Variants in PAPPA2 observed in about 807,000 individuals in gnomAD.
PAPPA2 encodes pappalysin 2, also known as pappalysin-2.
A neutral mutation model predicts 176.4 loss-of-function variants in PAPPA2; 86 were observed. That is an observed-to-expected ratio of 0.49 (90% CI 0.41 to 0.58). PAPPA2 has a LOEUF of 0.58. Among genes scored for constraint, PAPPA2 ranks in the 20% least tolerant of loss-of-function variants. PAPPA2 has a pLI of 0.00. For missense variants in PAPPA2, 2,073 were observed against 2,256.9 expected (o/e 0.92, Z 1.65); for synonymous variants, 809 against 852.2 (o/e 0.95, Z 0.88).
chr1:176,690,775 A>G (rs1306390155), intron 5 of PAPPA2: 3 of 1,086,492 alleles, frequency 2.8e-6, no homozygotes, highest in Non-Finnish European at 2.2e-6. Context: ...ATTCTTAGAC[A>G]TTTACTCTGA....
intron 3 of PAPPA2, among the ~76,000 whole-genome samples, chr1:176,605,457 TA>T (rs1455791911): frequency 6.6e-6 from 1 of 152,252 alleles, no homozygotes; most frequent in African/African-American, 2.4e-5. Context: ...CATATTTCTC[TA>T]AATCTTAGTT....
chr1:176,680,698 T>G (rs963728229), intron 4 of PAPPA2, among the ~76,000 whole-genome samples: 2 of 152,174 alleles, frequency 1.3e-5, no homozygotes, highest in Admixed American at 1.3e-4. Context: ...CTACAATTGA[T>G]CAAAACAATA....
chr1:176,667,564 G>A (rs190945313), intron 3 of PAPPA2, among the ~76,000 whole-genome samples: 3 of 152,232 alleles, frequency 2.0e-5, no homozygotes, highest in Admixed American at 6.5e-5. Flanking sequence ...CAAGGTGTGG[G>A]CCCAGTGAAT....
At chr1:176,777,805 C>T (rs1664525035) in intron 17 of PAPPA2, among the ~76,000 whole-genome samples, 1 of 152,034 alleles carries the variant, frequency 6.6e-6, no homozygotes, top group Admixed American at 6.6e-5. Context: ...AGTTCATCAA[C>T]ACTGCTGCTG....
At chr1:176,832,418 C>T (rs115621419) in intron 21 of PAPPA2, among the ~76,000 whole-genome samples, 4,225 of 152,244 alleles carry the variant, frequency 0.028, 86 homozygotes, top group Non-Finnish European at 0.044. Flanking sequence ...TGCAGTGGCG[C>T]GATCTCGGCT....
chr1:176,687,619 T>C (rs1446709221), intron 4 of PAPPA2, among the ~76,000 whole-genome samples: 1 of 152,198 alleles, frequency 6.6e-6, no homozygotes, highest in East Asian at 1.9e-4. Flanking sequence ...TTCATCTATA[T>C]TTTCTTTATC....
chr1:176,550,039 C>T (rs1216233819), intron 1 of PAPPA2, among the ~76,000 whole-genome samples: 2 of 152,218 alleles, frequency 1.3e-5, no homozygotes, highest in East Asian at 1.9e-4. Context: ...AACCACTGAT[C>T]CATTCTCTGT....
At chr1:176,509,749 T>C (rs1433519884) in intron 1 of PAPPA2, among the ~76,000 whole-genome samples, 1 of 152,064 alleles carries the variant, frequency 6.6e-6, no homozygotes, top group African/African-American at 2.4e-5. Context: ...ACACCTATAA[T>C]CCCAGCACTT....
At chr1:176,723,459 T>C (rs1327658819) in intron 12 of PAPPA2, among the ~76,000 whole-genome samples, 1 of 134,230 alleles carries the variant, frequency 7.4e-6, no homozygotes, top group African/African-American at 2.8e-5. Context: ...GAAAGTGATT[T>C]TTAAAGATAA....
intron 20 of PAPPA2, among the ~76,000 whole-genome samples, chr1:176,796,829 T>TTCTATTTCTGACCCCCTCTC (rs1665464282): frequency 1.3e-5 from 2 of 150,878 alleles, no homozygotes; most frequent in Non-Finnish European, 3.0e-5. Flanking sequence ...TTCTCCCTCT[T>TTCTATTTCTGACCCCCTCTC]TCTCTTTCTG....
Position 176,595,539 on chromosome 1 carries a change from C to A in PAPPA2, c.1935C>A (p.Cys645Ter). The A allele has an allele frequency of 6.2e-7, 1 of 1,614,132 alleles. No homozygotes were observed. Among genetic ancestry groups the A allele is most frequent in the Non-Finnish European group, 8.5e-7 (1 of 1,180,002 alleles). The change falls in exon 3 of 23, where the codon TGC (cysteine) becomes TGA (stop). Residue 645 changes from cysteine to a stop codon, truncating the protein, a stop_gained. Coordinates refer to ENST00000367662, the MANE Select transcript of PAPPA2 (RefSeq NM_020318.3). LOFTEE classifies it high-confidence loss of function. ...ACGACTTTGACGACGGAGACTGCTG[C>A]GACCCCCAGGTGGCTGATGTGCGCA... is the stretch of plus-strand genomic sequence containing the variant. Reference protein sequence around the residue: ...MLNDFDDGDCCDPQVADVRKT... With the variant: ...MLNDFDDGDC
intron 1 of PAPPA2, among the ~76,000 whole-genome samples, chr1:176,496,307 AAATATATATGATTTGATAT>A: frequency 6.6e-6 from 1 of 152,176 alleles, no homozygotes; most frequent in Non-Finnish European, 1.5e-5. Context: ...TGAGTTTAAT[AAATATATATGATTTGATAT>A]ATAAATATTC....
intron 2 of PAPPA2, among the ~76,000 whole-genome samples, chr1:176,560,140 A>C (rs557521891): frequency 2.0e-5 from 3 of 151,932 alleles, no homozygotes; most frequent in Admixed American, 2.0e-4. Context: ...GTTCGTTGGC[A>C]TCCCTTGGGG....
intron 3 of PAPPA2, among the ~76,000 whole-genome samples, chr1:176,619,993 T>C (rs968880041): frequency 1.3e-5 from 2 of 152,198 alleles, no homozygotes; most frequent in African/African-American, 4.8e-5. Flanking sequence ...TGACAAGCTA[T>C]CATAATATAG....
At chr1:176,463,887 G>T (rs1427460362) in intron 1 of PAPPA2, among the ~76,000 whole-genome samples, 1 of 152,142 alleles carries the variant, frequency 6.6e-6, no homozygotes, top group African/African-American at 2.4e-5. Flanking sequence ...GAGTGCTGAG[G>T]ATGAGTGTGT....
At position 176,595,185 on chromosome 1, in the gene PAPPA2, C is replaced by T; in HGVS notation, c.1581C>T (p.Tyr527=). The change falls in exon 3 of 23, where the codon TAC becomes TAT. Residue 527 remains tyrosine (Y), a synonymous_variant. Coordinates refer to ENST00000367662, the MANE Select transcript of PAPPA2 (RefSeq NM_020318.3). ...TTCGGGGAGAGAAGGTGATACGCTA[C>T]CAGGTGGTGAACATCTGTGATGATG... ...WPLRGEKVIR[Y]QVVNICDDEG... The T allele has an allele frequency of 6.2e-7, 1 of 1,614,186 alleles. No individual in the cohort carries two copies. Among genetic ancestry groups the T allele is most frequent in the Non-Finnish European group, 8.5e-7 (1 of 1,180,044 alleles).
chr1:176,685,675 C>G (rs1659805577), intron 4 of PAPPA2, among the ~76,000 whole-genome samples: 1 of 152,330 alleles, frequency 6.6e-6, no homozygotes, highest in African/African-American at 2.4e-5. Flanking sequence ...CCCTCCGGCC[C>G]CCTCCTCCCC....
intron 3 of PAPPA2, among the ~76,000 whole-genome samples, chr1:176,601,682 T>C (rs555776710): frequency 6.6e-6 from 1 of 152,220 alleles, no homozygotes; most frequent in South Asian, 2.1e-4. Context: ...GAAGGAAGGG[T>C]GTTGAGTGTC....
intron 1 of PAPPA2, among the ~76,000 whole-genome samples, chr1:176,533,271 T>G (rs1012633446): frequency 6.6e-6 from 1 of 152,244 alleles, no homozygotes; most frequent in Non-Finnish European, 1.5e-5. Flanking sequence ...TTAGGCACCT[T>G]GGCAGAGTGT....
Sources: gnomAD v4.1 joint callset for allele counts (sites outside exome capture counted in the v4.1 genomes callset) on GRCh38, gnomAD v4.1.1 for gene constraint, MANE v1.5 for transcripts, NCBI Gene and HGNC (gene_info 2026-07-23, HGNC 2026-07-21) for gene names.